The following TNRC18 variants were observed in gnomAD, a reference collection of about 807,000 sequenced individuals.
TNRC18 encodes trinucleotide repeat-containing gene 18 protein.
In TNRC18, 69 loss-of-function variants were observed where a neutral mutation model predicts 226.7. That is an observed-to-expected ratio of 0.30 (90% CI 0.25 to 0.37). The LOEUF (loss-of-function observed/expected upper bound fraction) is 0.37, where lower values mean the gene tolerates loss of function less well. Ranked by LOEUF, TNRC18 falls within the 10% of genes least tolerant of loss-of-function variation. The probability of loss-of-function intolerance (pLI) is 1.00; values close to 1 mark genes in which losing one functional copy is unlikely to be tolerated. For synonymous variants in TNRC18, 2,449 were observed against 1,927.6 expected (o/e 1.27, Z -7.09); for missense variants, 4,754 against 4,256.6 (o/e 1.12, Z -3.25).
intron 5 of TNRC18, among the ~76,000 whole-genome samples, chr7:5,380,332 G>A (rs1219093029): frequency 6.6e-6 from 1 of 152,244 alleles, no homozygotes; most frequent in African/African-American, 2.4e-5. Flanking sequence ...TGTGGTCCCA[G>A]CTACTTAGGA....
In TNRC18 at chr7:5,371,286, G is replaced by A. The variant is rs762849240; in HGVS notation, c.3308C>T (p.Ala1103Val). ...GGCCAAGCCGTCCGCGTCGGCGGCG[G>A]CCGTGGGCTGCAGCAGGAAAGGGTA... ...RPYPFLLQPTAAADADGLAPD... is the reference protein window; with the variant it reads ...RPYPFLLQPTVAADADGLAPD... Residue 1103 changes from alanine to valine, a missense_variant, in exon 11 of 30, where the codon GCC (alanine) becomes GTC (valine). Ala to Val is a moderately conservative substitution (Grantham distance 64). Coordinates refer to ENST00000430969, the MANE Select transcript of TNRC18 (RefSeq NM_001080495.3). 2 of 1,576,720 alleles carry A rather than the reference G, an allele frequency of 1.3e-6. No individual in the cohort carries two copies. The highest frequency in any genetic ancestry group is 2.3e-5 in the East Asian group (1 of 44,394).
chr7:5,407,865 G>A (rs1256405216), intron 2 of TNRC18, among the ~76,000 whole-genome samples: 1 of 152,106 alleles, frequency 6.6e-6, no homozygotes, highest in Admixed American at 6.6e-5. Flanking sequence ...GGGCCTTCTA[G>A]GAACTGCTCC....
intron 18 of TNRC18, among the ~76,000 whole-genome samples, chr7:5,335,011 C>T (rs570272933): frequency 6.6e-6 from 1 of 152,018 alleles, no homozygotes; most frequent in Non-Finnish European, 1.5e-5. Flanking sequence ...GAATAGAAAG[C>T]GAGCCAGTGG....
chr7:5,361,583 G>A lies in TNRC18; in HGVS notation c.4661+11C>T, dbSNP rs1437137020. ...GTGCCAGTCCCCGACCCACCGAGGG[G>A]CCAGCCTTACTTTCCGCTACTGTGG... On this transcript the variant is annotated intron_variant, in intron 14 of 29. Transcript: ENST00000430969. 3 of 1,504,988 alleles carry A rather than the reference G, an allele frequency of 2.0e-6. No homozygotes were observed. The highest frequency in any genetic ancestry group is 2.7e-6 in the Non-Finnish European group (3 of 1,125,674). 93.2% of individuals were successfully genotyped at this position (1,504,988 alleles called of 1,614,324 possible).
At position 5,313,537 on chromosome 7, in the gene TNRC18, G is replaced by A. The variant is rs746929439; in HGVS notation, c.7354C>T (p.Arg2452Trp). 69 of 1,611,102 alleles carry A rather than the reference G, an allele frequency of 4.3e-5. No homozygotes were observed. The highest frequency in any genetic ancestry group is 5.0e-5 in the Non-Finnish European group (59 of 1,178,850). The change falls in exon 27 of 30, where the codon CGG (arginine) becomes TGG (tryptophan). Residue 2452 changes from arginine to tryptophan, a missense_variant. Transcript: ENST00000430969. The stretch of plus-strand genomic sequence containing the variant: ...AGCTCGGCCTCCTCCCCCGGCCTCC[G>A]AGGGCCCTTGGCACCCGACTCCTCG... Reference protein sequence around the residue: ...AAEESGAKGPRRPGEEAELLV... With the variant: ...AAEESGAKGPWRPGEEAELLV...
chr7:5,378,969 G>A lies in TNRC18; in HGVS notation c.2153-945C>T, dbSNP rs538170022. 2.0e-3 allele frequency among the ~76,000 whole-genome samples: 303 copies of A among 151,606 alleles called. 1 individual carries two copies. The highest frequency in any genetic ancestry group is 7.1e-3 in the African/African-American group (293 of 41,366). On this transcript the variant is annotated intron_variant, in intron 5 of 29. Coordinates refer to ENST00000430969, the MANE Select transcript of TNRC18 (RefSeq NM_001080495.3). ...GGAGGCCGGGTGGGGGGGGCGGGGC[G>A]GATCACCTGAGGTCAGGAGTTCGAG...
intron 13 of TNRC18, 78 bp from the exon 14 acceptor site, chr7:5,361,800 G>A (rs1793078820): frequency 4.6e-6 from 7 of 1,528,258 alleles, no homozygotes; most frequent in Middle Eastern, 2.1e-4. Flanking sequence ...ATGCACACAC[G>A]GCGCCGGGTC....
chr7:5,315,712 G>A (rs3935624), intron 25 of TNRC18, among the ~76,000 whole-genome samples: 83,539 of 152,182 alleles, frequency 0.55, 24,441 homozygotes, highest in East Asian at 0.67. Flanking sequence ...GTGAGCCACC[G>A]CACCCAGCCA....
In TNRC18 at chr7:5,308,893, C is replaced by G. The variant is rs1446406439; in HGVS notation, c.8682G>C (p.Gln2894His). ...SLPAALRVSSQRKDFMERALY... is the reference protein window; with the variant it reads ...SLPAALRVSSHRKDFMERALY... ...CACCTACCTCCATGAAGTCCTTCCTCTGGCTGGAGACCCGCAGGGCCGCCG... is the reference window on the plus strand; with the variant it reads ...CACCTACCTCCATGAAGTCCTTCCTGTGGCTGGAGACCCGCAGGGCCGCCG... Residue 2894 changes from glutamine (Q) to histidine (H), a missense_variant, in exon 29 of 30, where the codon CAG (glutamine) becomes CAC (histidine). By Grantham distance (24) the Gln-to-His change is conservative. Transcript: ENST00000430969. The G allele has an allele frequency of 2.5e-5, 37 of 1,486,510 alleles. No homozygotes were observed. Among genetic ancestry groups the G allele is most frequent in the Non-Finnish European group, 3.3e-5 (36 of 1,103,336 alleles). 92.1% of individuals were successfully genotyped at this position (1,486,510 alleles called of 1,614,324 possible).
At position 5,313,866 on chromosome 7, in the gene TNRC18, G is replaced by A. The variant is rs1161750870; in HGVS notation, c.7028-3C>T. The A allele has an allele frequency of 1.4e-6, 2 of 1,465,766 alleles. No individual in the cohort carries two copies. The highest frequency in any genetic ancestry group is 2.4e-5 in the East Asian group (1 of 42,310). The allele number at this position is 1,465,766 out of a possible 1,614,324, so 90.8% of individuals were successfully genotyped here. A position where few individuals can be genotyped will look rare whatever the true frequency, so the allele number is the denominator to read the frequency against. ...CTCCTCCAGGGTAGCGGCTCTGTCT[G>A]CAAAACAAAACAGATGAGAAGCTGG... On this transcript the variant is annotated splice_region_variant and splice_polypyrimidine_tract_variant and intron_variant, in intron 26 of 29. Transcript: ENST00000430969.
At chr7:5,368,222 T>G (rs1310422107) in intron 11 of TNRC18, among the ~76,000 whole-genome samples, 1 of 151,830 alleles carries the variant, frequency 6.6e-6, no homozygotes, top group Non-Finnish European at 1.5e-5. Context: ...ATCCCAGCAA[T>G]TTGGGAGTCC....
chr7:5,394,653 C>G lies in TNRC18; in HGVS notation c.188-58G>C, dbSNP rs902467820. The G allele has an allele frequency of 2.8e-4, 384 of 1,367,914 alleles. No individual in the cohort carries two copies. The highest frequency in any genetic ancestry group is 3.4e-4 in the Non-Finnish European group (345 of 1,001,150). The allele number at this position is 1,367,914 out of a possible 1,614,324, so 84.7% of individuals were successfully genotyped here. A position where few individuals can be genotyped will look rare whatever the true frequency, so the allele number is the denominator to read the frequency against. The stretch of plus-strand genomic sequence containing the variant: ...GACAACCAGGGAGGCGCCGCCGCCC[C>G]AGCCCACCGCCCCGACCCACCGCCC... On this transcript the variant is annotated intron_variant, in intron 2 of 29. Coordinates refer to ENST00000430969, the MANE Select transcript of TNRC18 (RefSeq NM_001080495.3). The surrounding 1 kb of genome is among the most constrained non-coding windows in gnomAD (Gnocchi z 4.5).
intron 13 of TNRC18, 83 bp downstream of exon 13, chr7:5,361,814 G>A (rs529428612): frequency 2.7e-5 from 41 of 1,518,734 alleles, no homozygotes; most frequent in African/African-American, 1.1e-4. Context: ...CCGGGTCCAC[G>A]CACACCTCGA....
chr7:5,308,728 G>C, intron 29 of TNRC18, 147 bp downstream of exon 29: 5 of 801,696 alleles, frequency 6.2e-6, no homozygotes, highest in Non-Finnish European at 1.0e-5. Context: ...CAGGAGCCAG[G>C]CACTGAGAGT....
intron 11 of TNRC18, among the ~76,000 whole-genome samples, chr7:5,363,418 C>T (rs1357511784): frequency 5.9e-5 from 9 of 151,974 alleles, no homozygotes; most frequent in African/African-American, 1.9e-4. Flanking sequence ...CTGGCTAACA[C>T]GGTGAAATCC....
At chr7:5,360,639 A>C (rs1422142310) in intron 14 of TNRC18, among the ~76,000 whole-genome samples, 1 of 152,070 alleles carries the variant, frequency 6.6e-6, no homozygotes, top group Non-Finnish European at 1.5e-5. Flanking sequence ...AGGAAATTTA[A>C]CCAGTGCAGG....
At chr7:5,372,091 G>A (rs1383025182) in intron 10 of TNRC18, among the ~76,000 whole-genome samples, 12 of 148,738 alleles carry the variant, frequency 8.1e-5, no homozygotes, top group East Asian at 2.0e-4. Context: ...TTTTTGAGAC[G>A]CAGTCTCGCT....
At chr7:5,420,839 G>A (rs1265485830) in intron 2 of TNRC18, 2 of 723,520 alleles carry the variant, frequency 2.8e-6, no homozygotes, top group Non-Finnish European at 2.5e-6. Context: ...GCTCACGAGG[G>A]CCAAGCACGC....
At chr7:5,375,489 A>G (rs1327605467) in intron 9 of TNRC18, among the ~76,000 whole-genome samples, 1 of 152,196 alleles carries the variant, frequency 6.6e-6, no homozygotes, top group African/African-American at 2.4e-5. Flanking sequence ...CCACGAGCAC[A>G]CAGCCAGGCC....
Sources: allele counts gnomAD v4.1 joint callset (sites outside exome capture counted in the v4.1 genomes callset), GRCh38; gene constraint gnomAD v4.1.1; non-coding constraint Gnocchi (gnomAD v3.1); transcripts MANE v1.5; gene names NCBI Gene and HGNC (gene_info 2026-07-23, HGNC 2026-07-21).